The following DNAH1 variants were observed in gnomAD, a reference collection of about 807,000 sequenced individuals.
DNAH1 encodes axonemal beta dynein heavy chain 1.
In DNAH1, 327 loss-of-function variants were observed where a neutral mutation model predicts 484.3. The ratio of observed to expected loss-of-function variants is 0.68; its 90% confidence interval spans 0.62 to 0.74. The LOEUF is 0.74. Ranked by LOEUF, DNAH1 falls within the 30% of genes least tolerant of loss-of-function variation. The pLI is 0.00. For synonymous variants in DNAH1, 2,192 were observed against 2,191.9 expected (o/e 1.00, Z 0.00); for missense variants, 5,052 against 5,546.8 (o/e 0.91, Z 2.83).
chr3:52,395,622 G>A lies in DNAH1; in HGVS notation c.11203G>A (p.Ala3735Thr). The A allele has an allele frequency of 6.2e-7, 1 of 1,613,876 alleles. No homozygotes were observed. Among genetic ancestry groups the A allele is most frequent in the Non-Finnish European group, 8.5e-7 (1 of 1,179,898 alleles). ...KWVFFQNCHL[A>T]PSWMPALERL... ...GGTCTTCTTCCAGAACTGCCACCTGGCACCAAGCTGGATGCCAGCCCTAGA... is the reference window on the plus strand; with the variant it reads ...GGTCTTCTTCCAGAACTGCCACCTGACACCAAGCTGGATGCCAGCCCTAGA... The change falls in exon 70 of 78, where the codon GCA becomes ACA. Residue 3735 changes from alanine (A) to threonine (T), a missense_variant. Physicochemically the swap from Ala to Thr is moderately conservative, Grantham distance 58. Transcript: ENST00000420323. The surrounding 1 kb of genome is among the most constrained non-coding windows in gnomAD (Gnocchi z 4.4).
chr3:52,394,836 T>C (rs1385474942), intron 67 of DNAH1, 79 bp from the exon 68 acceptor site: 2 of 1,558,122 alleles, frequency 1.3e-6, no homozygotes, highest in African/African-American at 2.7e-5. Context: ...TCCCCAGCTG[T>C]CCGGCTGGCC....
chr3:52,382,638 A>T (rs1274222074), intron 50 of DNAH1, among the ~76,000 whole-genome samples, 183 bp downstream of exon 50: 1 of 152,022 alleles, frequency 6.6e-6, no homozygotes, highest in African/African-American at 2.4e-5. Flanking sequence ...ACCAAACCCA[A>T]CCTCTCAGAG....
intron 58 of DNAH1, 41 bp downstream of exon 58, chr3:52,388,650 C>T: frequency 6.2e-7 from 1 of 1,611,222 alleles, no homozygotes; most frequent in Non-Finnish European, 8.5e-7. Context: ...GCGGGCCCGG[C>T]CCAGACAGGG....
At chr3:52,335,276 C>G (rs1370136206) in intron 8 of DNAH1, among the ~76,000 whole-genome samples, 3 of 115,250 alleles carry the variant, frequency 2.6e-5, no homozygotes. Context: ...AGGATGGTCT[C>G]GATCTCCTGA....
intron 1 of DNAH1, among the ~76,000 whole-genome samples, chr3:52,317,151 T>G (rs1378499415): frequency 2.6e-5 from 4 of 152,220 alleles, no homozygotes; most frequent in African/African-American, 9.7e-5. Flanking sequence ...CTGACGTGTT[T>G]CTTCAAACAC....
chr3:52,341,628 T>A (rs1398167304), intron 8 of DNAH1, among the ~76,000 whole-genome samples: 2 of 151,306 alleles, frequency 1.3e-5, no homozygotes, highest in Non-Finnish European at 2.9e-5. Flanking sequence ...AGGGCTTGAC[T>A]TTTATATATC....
chr3:52,327,657 C>A (rs977375400), intron 5 of DNAH1, among the ~76,000 whole-genome samples: 1 of 152,160 alleles, frequency 6.6e-6, no homozygotes, highest in African/African-American at 2.4e-5. Flanking sequence ...TTCACCCAAC[C>A]AGATGCTGTG....
chr3:52,329,074 A>G (rs1701450681), intron 6 of DNAH1, among the ~76,000 whole-genome samples: 1 of 152,260 alleles, frequency 6.6e-6, no homozygotes, highest in African/African-American at 2.4e-5. Flanking sequence ...TTTACTTTGG[A>G]CTTAATTACA....
intron 8 of DNAH1, among the ~76,000 whole-genome samples, chr3:52,335,651 T>C (rs1701717554): frequency 6.6e-6 from 1 of 151,562 alleles, no homozygotes. Flanking sequence ...TTTGTTGTTT[T>C]GAGATGGAGT....
chr3:52,367,164 T>C (rs1208416894), intron 36 of DNAH1, among the ~76,000 whole-genome samples: 1 of 152,008 alleles, frequency 6.6e-6, no homozygotes, highest in African/African-American at 2.4e-5. Context: ...TATCTGGCCA[T>C]TGTCATGACC....
chr3:52,382,526 G>A, intron 50 of DNAH1, 71 bp downstream of exon 50: 1 of 1,584,440 alleles, frequency 6.3e-7, no homozygotes, highest in Non-Finnish European at 8.6e-7. Flanking sequence ...TAGCATCCCG[G>A]AAGGTGGCCA....
chr3:52,366,594 G>A (rs1332285796), intron 35 of DNAH1, 46 bp downstream of exon 35: 3 of 1,562,848 alleles, frequency 1.9e-6, no homozygotes, highest in East Asian at 2.4e-5. Context: ...TAGTGGGCCT[G>A]TAGGGGGGTG....
intron 46 of DNAH1, 83 bp downstream of exon 46, chr3:52,376,076 A>G (rs1035691552): frequency 2.2e-5 from 34 of 1,543,886 alleles, no homozygotes; most frequent in African/African-American, 2.8e-5. Context: ...GGCTGCGACC[A>G]GGCGCCGTGG....
At chr3:52,391,096 G>T in intron 61 of DNAH1, 42 bp downstream of exon 61, 3 of 1,596,016 alleles carry the variant, frequency 1.9e-6, no homozygotes. Flanking sequence ...CCCCAGCCAG[G>T]CATAGCAAGG....
chr3:52,351,999 C>A lies in DNAH1; in HGVS notation c.2767C>A (p.Gln923Lys). 6.2e-7 allele frequency: 1 copy of A among 1,601,548 alleles called. No homozygotes were observed. Among genetic ancestry groups the A allele is most frequent in the South Asian group, 1.1e-5 (1 of 88,250 alleles). Residue 923 changes from glutamine (Q) to lysine (K), a missense_variant, in exon 17 of 78, where the codon CAG becomes AAG. Transcript: ENST00000420323. ...CAACTGGCCTTCTAAGATCCTTGGG[C>A]AGATAGAGCTGGTGCAGCAGCAGCA... ...ASNWPSKILG[Q>K]IELVQQQHVE...
chr3:52,344,432 G>A, intron 8 of DNAH1, 58 bp from the exon 9 acceptor site: 2 of 1,580,118 alleles, frequency 1.3e-6, no homozygotes, highest in South Asian at 1.2e-5. Context: ...TTGGGCCCCG[G>A]CTGGGGTTCA....
intron 58 of DNAH1, 52 bp from the exon 59 acceptor site, chr3:52,388,754 C>G (rs765039898): frequency 6.2e-7 from 1 of 1,608,670 alleles, no homozygotes; most frequent in Non-Finnish European, 8.5e-7. Context: ...GGGCCAGCCC[C>G]AGGCCCCTAG....
In DNAH1 at chr3:52,372,986, A is replaced by T; in HGVS notation, c.6918A>T (p.Ala2306=). The change falls in exon 44 of 78, where the codon GCA becomes GCT. Residue 2306 remains alanine, a synonymous_variant. Transcript: ENST00000420323. ...LNMPALETYG[A]QPPIELLRQW... is the part of the protein sequence containing the mutation. ...TGCCGGCCCTGGAGACCTACGGTGC[A>T]CAGCCACCCATCGAGCTGTTGCGCC... is the stretch of plus-strand genomic sequence containing the variant. The T allele has an allele frequency of 6.2e-7, 1 of 1,613,766 alleles. No homozygotes were observed. Among genetic ancestry groups the T allele is most frequent in the Non-Finnish European group, 8.5e-7 (1 of 1,179,856 alleles).
At chr3:52,320,603 C>CT (rs1264698198) in intron 1 of DNAH1, among the ~76,000 whole-genome samples, 3 of 152,204 alleles carry the variant, frequency 2.0e-5, no homozygotes, top group Non-Finnish European at 2.9e-5. Context: ...CAAGGGCCCC[C>CT]TGCCATGATC....
Sources: allele counts gnomAD v4.1 joint callset (sites outside exome capture counted in the v4.1 genomes callset), GRCh38; gene constraint gnomAD v4.1.1; non-coding constraint Gnocchi (gnomAD v3.1); transcripts MANE v1.5; gene names NCBI Gene and HGNC (gene_info 2026-07-23, HGNC 2026-07-21).